The following LAMA2 variants were observed in gnomAD, a reference collection of about 807,000 sequenced individuals.
The protein encoded by LAMA2 is laminin subunit alpha-2.
In LAMA2, 269 loss-of-function variants were observed where a neutral mutation model predicts 364.8. The ratio of observed to expected loss-of-function variants is 0.74; its 90% CI spans 0.67 to 0.82. The LOEUF is 0.82. LAMA2 is among the 40% of genes least tolerant of loss of function. The pLI is 0.00. For missense variants in LAMA2, 3,807 were observed against 3,873.2 expected, an observed-to-expected ratio of 0.98 and a Z score of 0.45; for synonymous variants, 1,379 against 1,370.6, an observed-to-expected ratio of 1.01 and a Z score of -0.14.
intron 1 of LAMA2, among the ~76,000 whole-genome samples, chr6:128,973,081 A>G (rs1158075167): frequency 6.6e-6 from 1 of 151,860 alleles, no homozygotes; most frequent in East Asian, 1.9e-4. Context: ...AAGTTACTAT[A>G]TTGCAATGAA....
At chr6:129,419,056 ATT>A (rs879882869) in intron 40 of LAMA2, among the ~76,000 whole-genome samples, 1 of 146,740 alleles carries the variant, frequency 6.8e-6, no homozygotes. Context: ...GGCTTTAGTG[ATT>A]TTTTTTTTTG....
chr6:128,903,075 T>G (rs2114422456), intron 1 of LAMA2, among the ~76,000 whole-genome samples: 1 of 152,246 alleles, frequency 6.6e-6, no homozygotes, highest in South Asian at 2.1e-4. Context: ...TATTAGAGTG[T>G]TAAATATTGA....
At chr6:129,157,836 T>C (rs767271046) in intron 8 of LAMA2, 1,062 of 1,613,898 alleles carry the variant, frequency 6.6e-4, no homozygotes, top group Admixed American at 1.2e-3. Flanking sequence ...GCTGTAGATA[T>C]CAGCCATGAT....
At chr6:129,514,244 C>T in intron 63 of LAMA2, 129 bp from the exon 64 acceptor site, 3 of 763,526 alleles carry the variant, frequency 3.9e-6, no homozygotes, top group Non-Finnish European at 6.9e-6. Context: ...TTTCAATATG[C>T]CCAGTTACAT....
chr6:129,055,675 A>G (rs767904069), intron 2 of LAMA2, among the ~76,000 whole-genome samples: 3 of 152,214 alleles, frequency 2.0e-5, no homozygotes, highest in Non-Finnish European at 4.4e-5. Context: ...GAACTCTGAG[A>G]ATAAATATGG....
At chr6:128,895,826 A>C (rs1776738911) in intron 1 of LAMA2, among the ~76,000 whole-genome samples, 1 of 151,942 alleles carries the variant, frequency 6.6e-6, no homozygotes, top group Non-Finnish European at 1.5e-5. Context: ...AAAATATGGA[A>C]TTTCCTTCAT....
At chr6:129,163,577 G>T (rs917999842) in intron 8 of LAMA2, among the ~76,000 whole-genome samples, 2 of 152,248 alleles carry the variant, frequency 1.3e-5, no homozygotes, top group Admixed American at 6.5e-5. Flanking sequence ...AGGTTGCAGT[G>T]GGTCAAGCTT....
At chr6:129,197,584 C>T (rs1255902654) in intron 12 of LAMA2, among the ~76,000 whole-genome samples, 12 of 152,176 alleles carry the variant, frequency 7.9e-5, no homozygotes, top group Non-Finnish European at 1.3e-4. Context: ...AAATATATAA[C>T]GCCAAGCTGT....
intron 12 of LAMA2, among the ~76,000 whole-genome samples, chr6:129,204,106 A>G (rs1782468519): frequency 1.3e-5 from 2 of 150,354 alleles, no homozygotes; most frequent in African/African-American, 5.0e-5. Flanking sequence ...ATTGACAATC[A>G]GAGAGAGTTA....
intron 30 of LAMA2, among the ~76,000 whole-genome samples, chr6:129,348,552 C>CTT (rs893490173): frequency 1.4e-5 from 2 of 143,688 alleles, no homozygotes; most frequent in African/African-American, 2.5e-5. Flanking sequence ...CTTGTGGAGT[C>CTT]TTTTTTTTTT....
At chr6:129,290,252 A>G (rs1245537284) in intron 19 of LAMA2, among the ~76,000 whole-genome samples, 1 of 152,188 alleles carries the variant, frequency 6.6e-6, no homozygotes, top group Non-Finnish European at 1.5e-5. Flanking sequence ...GATATGCATA[A>G]GAAACTTTCA....
intron 62 of LAMA2, among the ~76,000 whole-genome samples, chr6:129,510,410 G>A (rs925704120): frequency 1.3e-5 from 2 of 152,000 alleles, no homozygotes; most frequent in African/African-American, 2.4e-5. Context: ...TAAGTGAAAG[G>A]TCTCTACAAT....
chr6:129,102,330 T>A (rs377537252), intron 4 of LAMA2, among the ~76,000 whole-genome samples: 1 of 151,858 alleles, frequency 6.6e-6, no homozygotes, highest in Non-Finnish European at 1.5e-5. Context: ...ACAGACAGGG[T>A]TTCACCATGT....
In LAMA2 at chr6:129,263,346, A is replaced by G. The variant is rs193037788; in HGVS notation, c.2208+2524A>G. Among the ~76,000 whole-genome samples, 352 of 152,284 alleles carry G rather than the reference A, an allele frequency of 2.3e-3. 1 individual carries two copies. Among genetic ancestry groups the G allele is most frequent in the African/African-American group, 8.0e-3 (331 of 41,572 alleles). ...GACAAATTCTATGAAGGAAATAAAC[A>G]GGGTGAAATAAACAGGGTTCTATGA... On this transcript the variant is annotated intron_variant, in intron 15 of 64. Coordinates refer to ENST00000421865, the MANE Select transcript of LAMA2 (RefSeq NM_000426.4).
At chr6:129,088,962 C>T (rs182981240) in intron 3 of LAMA2, among the ~76,000 whole-genome samples, 4 of 150,978 alleles carry the variant, frequency 2.6e-5, no homozygotes, top group South Asian at 2.1e-4. Flanking sequence ...CCAAGGCAGG[C>T]GGCTGGGAGG....
chr6:129,158,791 G>A (rs1341301773), intron 8 of LAMA2: 16 of 1,614,016 alleles, frequency 9.9e-6, no homozygotes, highest in East Asian at 2.2e-5. Context: ...GAGAATCTTT[G>A]CACTGAAAAT....
At chr6:129,050,129 T>C in intron 2 of LAMA2, 41 bp downstream of exon 2, 6 of 1,604,208 alleles carry the variant, frequency 3.7e-6, no homozygotes, top group Non-Finnish European at 5.1e-6. Context: ...CTGGGTAGGA[T>C]CTATAATTGT....
chr6:129,223,573 T>C (rs561098320), intron 12 of LAMA2, among the ~76,000 whole-genome samples: 3 of 152,362 alleles, frequency 2.0e-5, no homozygotes, highest in East Asian at 1.9e-4. Context: ...CTAGCCAGTT[T>C]TCCCAGCACC....
chr6:129,240,399 G>A (rs1460852052), intron 12 of LAMA2, among the ~76,000 whole-genome samples: 5 of 152,114 alleles, frequency 3.3e-5, no homozygotes, highest in Non-Finnish European at 7.4e-5. Flanking sequence ...TCTCATACAG[G>A]TTCTATTTCT....
Sources: allele counts gnomAD v4.1 joint callset (sites outside exome capture counted in the v4.1 genomes callset), GRCh38; gene constraint gnomAD v4.1.1; transcripts MANE v1.5; gene names NCBI Gene and HGNC (gene_info 2026-07-23, HGNC 2026-07-21).